Variants in TMEM196 observed in about 807,000 individuals in gnomAD.
TMEM196 encodes the protein transmembrane protein 196.
In TMEM196, 17 loss-of-function variants were observed where a neutral mutation model predicts 20.0. The ratio of observed to expected loss-of-function variants is 0.85; its 90% CI spans 0.58 to 1.27. TMEM196 has a LOEUF of 1.27. Ranked by LOEUF, TMEM196 falls within the 50% of genes most tolerant of loss-of-function variation. TMEM196 has a pLI of 0.00. For synonymous variants in TMEM196, 113 were observed against 88.9 expected (o/e 1.27, Z -1.52); for missense variants, 267 against 223.0 (o/e 1.20, Z -1.26).
chr7:19,722,227 T>C, intron 4 of TMEM196, 93 bp from the exon 5 acceptor site: 1 of 1,048,618 alleles, frequency 9.5e-7, no homozygotes, highest in Non-Finnish European at 1.4e-6. Context: ...TTTCAATCCA[T>C]TGAAAAACTT....
intron 1 of TMEM196, among the ~76,000 whole-genome samples, chr7:19,732,181 C>G (rs1453296482): frequency 1.3e-5 from 2 of 152,130 alleles, no homozygotes; most frequent in African/African-American, 4.8e-5. Context: ...GGACATGGTC[C>G]AGAGAGGTCC....
intron 1 of TMEM196, among the ~76,000 whole-genome samples, chr7:19,762,796 G>A (rs896156084): frequency 6.6e-6 from 1 of 152,140 alleles, no homozygotes; most frequent in Admixed American, 6.6e-5. Flanking sequence ...TTACATATTT[G>A]AAAATAGCCA....
chr7:19,740,684 G>C (rs1784552354), intron 1 of TMEM196, among the ~76,000 whole-genome samples: 1 of 152,114 alleles, frequency 6.6e-6, no homozygotes, highest in Admixed American at 6.5e-5. Context: ...GGTGGGCCAA[G>C]GAGCTCTGCT....
rs767691257 is a variant in TMEM196, at chr7:19,733,815, A to G, written c.148-4377T>C. Among the ~76,000 whole-genome samples, 21 of 152,174 alleles carry G rather than the reference A, an allele frequency of 1.4e-4. 1 individual carries two copies. The highest frequency in any genetic ancestry group is 2.8e-4 in the Non-Finnish European group (19 of 68,016). On this transcript the variant is annotated intron_variant, in intron 1 of 4. Transcript: ENST00000405844. Reference sequence around the variant, plus strand: ...ATATAAGGCTAAGTTTAATTGTCTCAGGAAGGAAGGTACAGAATACTGAGA... The same window carrying G: ...ATATAAGGCTAAGTTTAATTGTCTCGGGAAGGAAGGTACAGAATACTGAGA...
chr7:19,743,469 T>A (rs1024030280), intron 1 of TMEM196, among the ~76,000 whole-genome samples: 2 of 152,140 alleles, frequency 1.3e-5, no homozygotes, highest in Non-Finnish European at 2.9e-5. Context: ...TTAGCCATGC[T>A]CTCTCTGTTT....
At chr7:19,737,769 G>A (rs961639337) in intron 1 of TMEM196, among the ~76,000 whole-genome samples, 3 of 151,886 alleles carry the variant, frequency 2.0e-5, no homozygotes, top group Non-Finnish European at 4.4e-5. Context: ...AAAGGGGGTT[G>A]AAAAGGCAAA....
At chr7:19,769,337 T>C (rs1785766923) in intron 1 of TMEM196, among the ~76,000 whole-genome samples, 4 of 152,054 alleles carry the variant, frequency 2.6e-5, no homozygotes, top group South Asian at 2.1e-4. Flanking sequence ...TTATTATTAT[T>C]CAAAATATGA....
intron 1 of TMEM196, among the ~76,000 whole-genome samples, chr7:19,754,337 A>G (rs1277533716): frequency 6.6e-6 from 1 of 152,224 alleles, no homozygotes; most frequent in Non-Finnish European, 1.5e-5. Flanking sequence ...AGTCCAGTCT[A>G]TTATTTATAT....
intron 3 of TMEM196, 132 bp from the exon 4 acceptor site, chr7:19,724,485 A>G (rs1783922326): frequency 1.3e-6 from 1 of 783,430 alleles, no homozygotes; most frequent in Non-Finnish European, 2.0e-6. Flanking sequence ...TCTATTTTTA[A>G]CAATCATTTC....
Position 19,772,731 on chromosome 7 carries a change from G to T in TMEM196, c.-35C>A. Reference sequence around the variant, plus strand: ...GTCATCTTCCTTCCAGATCAGAGAGGGAAATCAACCATCTACCTTTTTTTC... The same window carrying T: ...GTCATCTTCCTTCCAGATCAGAGAGTGAAATCAACCATCTACCTTTTTTTC... On this transcript the variant is annotated 5_prime_UTR_variant, in exon 1 of 5. Transcript: ENST00000405844. 2.1e-6 allele frequency: 3 copies of T among 1,442,742 alleles called. No individual in the cohort carries two copies. Among genetic ancestry groups the T allele is most frequent in the Non-Finnish European group, 2.8e-6 (3 of 1,083,110 alleles). The allele number at this position is 1,442,742 out of a possible 1,614,324, so 89.4% of individuals were successfully genotyped here.
At position 19,772,611 on chromosome 7, in the gene TMEM196, C is replaced by A; in HGVS notation, c.86G>T (p.Gly29Val). The A allele has an allele frequency of 6.5e-7, 1 of 1,547,236 alleles. No homozygotes were observed. The highest frequency in any genetic ancestry group is 8.7e-7 in the Non-Finnish European group (1 of 1,145,880). Residue 29 changes from glycine to valine, a missense_variant, in exon 1 of 5, where the codon GGG (glycine) becomes GTG (valine). Gly to Val is a moderately radical substitution (Grantham distance 109, BLOSUM62 -3). Coordinates refer to ENST00000405844, the MANE Select transcript of TMEM196 (RefSeq NM_001363562.2). ...GAGGGCCAGGCTGAAGCTGACCGCC[C>A]CCACGGCCACGCTGGACACCCCCAG... is the stretch of plus-strand genomic sequence containing the variant. ...IGLGVSSVAVGAVSFSLALRE... is the reference protein window; with the variant it reads ...IGLGVSSVAVVAVSFSLALRE...
At chr7:19,749,331 T>C (rs1784874905) in intron 1 of TMEM196, among the ~76,000 whole-genome samples, 1 of 152,188 alleles carries the variant, frequency 6.6e-6, no homozygotes, top group African/African-American at 2.4e-5. Flanking sequence ...TCCTACTATG[T>C]GAATGATTCA....
chr7:19,772,359 A>C (rs1785917805), intron 1 of TMEM196, among the ~76,000 whole-genome samples, 191 bp downstream of exon 1: 3 of 151,662 alleles, frequency 2.0e-5, no homozygotes. Context: ...AAAACAAAAC[A>C]AAACAAAACA....
In TMEM196 at chr7:19,721,129, C is replaced by G. The variant is rs1783799383; in HGVS notation, c.*999G>C. The G allele has an allele frequency of 6.6e-6, 1 of 151,776 alleles. No homozygotes were observed. Among genetic ancestry groups the G allele is most frequent in the Non-Finnish European group, 1.5e-5 (1 of 67,784 alleles). 9.4% of individuals were successfully genotyped at this position (151,776 alleles called of 1,614,324 possible). ...AATATCACCCACAATGATATTTACA[C>G]AAAACCTAATTAAAAGAAGAAAAAT... is the stretch of plus-strand genomic sequence containing the variant. On this transcript the variant is annotated 3_prime_UTR_variant, in exon 5 of 5. Transcript: ENST00000405844.
intron 1 of TMEM196, among the ~76,000 whole-genome samples, chr7:19,772,220 C>A (rs1436995985): frequency 6.7e-6 from 1 of 149,218 alleles, no homozygotes; most frequent in Non-Finnish European, 1.5e-5. Flanking sequence ...CCCCCCTCCC[C>A]CCGCCTCCCA....
intron 1 of TMEM196, among the ~76,000 whole-genome samples, chr7:19,745,942 TTTTA>T (rs1444573997): frequency 1.3e-5 from 2 of 152,080 alleles, no homozygotes; most frequent in African/African-American, 4.8e-5. Flanking sequence ...AGGACCTATA[TTTTA>T]TTTATTTTAA....
chr7:19,740,326 C>T (rs764750796), intron 1 of TMEM196, among the ~76,000 whole-genome samples: 1 of 152,086 alleles, frequency 6.6e-6, no homozygotes, highest in Non-Finnish European at 1.5e-5. Context: ...TTTGCTCATA[C>T]ATGTGTAAAG....
intron 1 of TMEM196, among the ~76,000 whole-genome samples, chr7:19,763,434 A>G (rs997030652): frequency 1.3e-5 from 2 of 152,212 alleles, no homozygotes; most frequent in African/African-American, 4.8e-5. Flanking sequence ...AATCAAACAT[A>G]TGTCTCTGTT....
At chr7:19,764,499 C>T (rs140799682) in intron 1 of TMEM196, among the ~76,000 whole-genome samples, 1 of 152,264 alleles carries the variant, frequency 6.6e-6, no homozygotes, top group African/African-American at 2.4e-5. Flanking sequence ...TTTACCTCTT[C>T]TCCATGACTT....
Sources: gnomAD v4.1 joint callset for allele counts (sites outside exome capture counted in the v4.1 genomes callset) on GRCh38, gnomAD v4.1.1 for gene constraint, MANE v1.5 for transcripts, NCBI Gene and HGNC (gene_info 2026-07-23, HGNC 2026-07-21) for gene names.